The following TMEM232 variants were observed in gnomAD, a reference collection of about 807,000 sequenced individuals.
TMEM232 encodes transmembrane protein 232.
TMEM232 carries 80 observed loss-of-function variants against 78.8 expected under a neutral mutation model. That is an observed-to-expected ratio of 1.01 (90% CI 0.85 to 1.22). The LOEUF is 1.22. Among genes scored for constraint, TMEM232 ranks in the 50% most tolerant of loss-of-function variants. The pLI, the probability that TMEM232 is intolerant of heterozygous loss-of-function variation, is 0.00. For missense variants in TMEM232, 881 were observed against 742.2 expected (o/e 1.19, Z -2.17); for synonymous variants, 297 against 254.3 (o/e 1.17, Z -1.60).
chr5:110,564,008 T>C (rs1776047130), intron 11 of TMEM232, among the ~76,000 whole-genome samples: 1 of 152,040 alleles, frequency 6.6e-6, no homozygotes, highest in African/African-American at 2.4e-5. Context: ...AAGGTTTTAT[T>C]TTCTATGAAG....
chr5:110,391,320 T>A (rs1310745945), intron 3 of TMEM232, among the ~76,000 whole-genome samples: 39 of 139,444 alleles, frequency 2.8e-4, no homozygotes, highest in African/African-American at 1.1e-3. Context: ...TGTGTGTGTG[T>A]GTGTGTGAGA....
At chr5:110,436,322 G>C (rs1421807043) in intron 12 of TMEM232, among the ~76,000 whole-genome samples, 2 of 151,958 alleles carry the variant, frequency 1.3e-5, no homozygotes, top group Non-Finnish European at 2.9e-5. Flanking sequence ...TTTTTCTATA[G>C]AGTTGTTTGA....
At chr5:110,421,098 G>A (rs977238201) in intron 13 of TMEM232, among the ~76,000 whole-genome samples, 2 of 151,606 alleles carry the variant, frequency 1.3e-5, no homozygotes, top group Admixed American at 1.3e-4. Context: ...AATGAAGAAC[G>A]AGATGAAAGC....
At chr5:110,536,162 C>T (rs1302841776) in intron 11 of TMEM232, among the ~76,000 whole-genome samples, 2 of 152,120 alleles carry the variant, frequency 1.3e-5, no homozygotes, top group Non-Finnish European at 2.9e-5. Context: ...GTAGGCAGTG[C>T]CTAAACACAG....
At chr5:110,558,058 C>T (rs1163694361) in intron 11 of TMEM232, among the ~76,000 whole-genome samples, 1 of 152,072 alleles carries the variant, frequency 6.6e-6, no homozygotes, top group African/African-American at 2.4e-5. Flanking sequence ...TTCAGGTAGC[C>T]AAAGTACAGA....
At chr5:110,459,122 A>G (rs1434751380) in intron 12 of TMEM232, among the ~76,000 whole-genome samples, 1 of 152,146 alleles carries the variant, frequency 6.6e-6, no homozygotes, top group African/African-American at 2.4e-5. Flanking sequence ...TATTTTGTTT[A>G]CATATTTCCC....
intron 8 of TMEM232, among the ~76,000 whole-genome samples, chr5:110,608,149 T>C (rs1200300244): frequency 6.6e-6 from 1 of 151,928 alleles, no homozygotes; most frequent in Non-Finnish European, 1.5e-5. Flanking sequence ...TAGGCATATG[T>C]TATAGGGCAA....
At position 110,607,200 on chromosome 5, in the gene TMEM232, A is replaced by G. The variant is rs184168646; in HGVS notation, c.903-913T>C. 1.8e-3 allele frequency among the ~76,000 whole-genome samples: 273 copies of G among 152,134 alleles called. 9 individuals are homozygous for G. The highest frequency in any genetic ancestry group is 0.018 in the Admixed American group (271 of 15,266). On this transcript the variant is annotated intron_variant, in intron 8 of 13. Coordinates refer to ENST00000455884, the MANE Select transcript of TMEM232 (RefSeq NM_001039763.4). ...CACATAAATTATTTCATTTGATTTG[A>G]AAAACAATTTTTGACACATTTAAGA...
chr5:110,646,177 G>T lies in TMEM232; in HGVS notation c.126-3806C>A, dbSNP rs531015278. Among the ~76,000 whole-genome samples, 6 of 151,796 alleles carry T rather than the reference G, an allele frequency of 4.0e-5. No homozygotes were observed. In the Middle Eastern group the frequency reaches 0.01, roughly 258 times the overall value. On this transcript the variant is annotated intron_variant, in intron 2 of 13. Coordinates refer to ENST00000455884, the MANE Select transcript of TMEM232 (RefSeq NM_001039763.4). ...GTCCATATTACCCAAAGAGATCTAA[G>T]ACTCAATTCAATTGCTATCAAATCC...
At chr5:110,482,051 GA>G (rs1481757407) in intron 12 of TMEM232, among the ~76,000 whole-genome samples, 2 of 151,906 alleles carry the variant, frequency 1.3e-5, no homozygotes, top group Admixed American at 1.3e-4. Context: ...ATTAAACCAA[GA>G]ATCATAATAT....
chr5:110,514,810 C>A (rs904434678), intron 12 of TMEM232, among the ~76,000 whole-genome samples: 3 of 152,088 alleles, frequency 2.0e-5, no homozygotes, highest in Non-Finnish European at 4.4e-5. Flanking sequence ...TTTAAACTCT[C>A]TCTATATGTA....
intron 10 of TMEM232, among the ~76,000 whole-genome samples, chr5:110,589,629 A>G (rs1395643632): frequency 6.6e-6 from 1 of 152,068 alleles, no homozygotes; most frequent in African/African-American, 2.4e-5. Context: ...ATAAACTTTT[A>G]TTGCCTCAGT....
chr5:110,583,469 C>T (rs1026499065), intron 10 of TMEM232, among the ~76,000 whole-genome samples: 13 of 151,824 alleles, frequency 8.6e-5, no homozygotes, highest in African/African-American at 3.1e-4. Flanking sequence ...GACCCTTATG[C>T]TATACACAAA....
intron 11 of TMEM232, among the ~76,000 whole-genome samples, chr5:110,535,362 T>G (rs1343654627): frequency 6.6e-6 from 1 of 152,002 alleles, no homozygotes; most frequent in Non-Finnish European, 1.5e-5. Flanking sequence ...CAACCCCCCT[T>G]TTTCCTTTAC....
intron 1 of TMEM232, among the ~76,000 whole-genome samples, chr5:110,724,824 C>T (rs1340361116): frequency 6.6e-6 from 1 of 150,972 alleles, no homozygotes; most frequent in Non-Finnish European, 1.5e-5. Flanking sequence ...AGAGCACCTG[C>T]TACATAATAA....
intron 2 of TMEM232, among the ~76,000 whole-genome samples, chr5:110,411,392 T>C (rs980025555): frequency 1.3e-5 from 2 of 152,214 alleles, no homozygotes; most frequent in African/African-American, 4.8e-5. Flanking sequence ...TTTCCTTTCT[T>C]TCTCCTTTTT....
intron 12 of TMEM232, among the ~76,000 whole-genome samples, chr5:110,461,776 A>G (rs1042381532): frequency 1.3e-5 from 2 of 152,196 alleles, no homozygotes; most frequent in African/African-American, 4.8e-5. Flanking sequence ...ATTATGCTAA[A>G]TCTACTTTGC....
At chr5:110,568,147 A>G (rs944857324) in intron 11 of TMEM232, among the ~76,000 whole-genome samples, 1 of 151,872 alleles carries the variant, frequency 6.6e-6, no homozygotes, top group Non-Finnish European at 1.5e-5. Flanking sequence ...AGAATTTCCC[A>G]CCAAGTCAGA....
rs747507365 is a variant in TMEM232, at chr5:110,420,356, TGAAATCACTTCATTCA to T, written c.*208_*223del. On this transcript the variant is annotated 3_prime_UTR_variant, in exon 14 of 14. Transcript: ENST00000455884. ...TGTAGTCTTGGAAATTTTTGACTAG[TGAAATCACTTCATTCA>T]AGTGTGATTAAAAGTTGGTCATTAA... 33 of 362,808 alleles carry T rather than the reference TGAAATCACTTCATTCA, an allele frequency of 9.1e-5. No individual in the cohort carries two copies. Among genetic ancestry groups the T allele is most frequent in the Non-Finnish European group, 1.6e-4 (32 of 205,724 alleles). The allele number at this position is 362,808 out of a possible 1,614,324, so 22.5% of individuals were successfully genotyped here. A position where few individuals can be genotyped will look rare whatever the true frequency, so the allele number is the denominator to read the frequency against.
Sources: gnomAD v4.1 joint callset for allele counts (sites outside exome capture counted in the v4.1 genomes callset) on GRCh38, gnomAD v4.1.1 for gene constraint, MANE v1.5 for transcripts, NCBI Gene and HGNC (gene_info 2026-07-23, HGNC 2026-07-21) for gene names.